The following ACSM3 variants were observed in gnomAD, a reference collection of about 807,000 sequenced individuals.
The protein encoded by ACSM3 is acyl-CoA synthetase medium chain family member 3, also known as acyl-coenzyme A synthetase ACSM3, mitochondrial.
A neutral mutation model predicts 74.1 loss-of-function variants in ACSM3; 61 were observed. That is an observed-to-expected ratio of 0.82 (90% CI 0.67 to 1.02). The LOEUF (loss-of-function observed/expected upper bound fraction) is 1.02. Ranked by LOEUF, ACSM3 falls within the 50% of genes least tolerant of loss-of-function variation. The pLI, the probability that ACSM3 is intolerant of heterozygous loss-of-function variation, is 0.00. For synonymous variants in ACSM3, 213 were observed against 241.5 expected (o/e 0.88, Z 1.09); for missense variants, 660 against 697.0 (o/e 0.95, Z 0.60).
At chr16:20,748,713 T>C (rs1459691999) in intron 1 of ACSM3, among the ~76,000 whole-genome samples, 1 of 152,178 alleles carries the variant, frequency 6.6e-6, no homozygotes, top group East Asian at 1.9e-4. Flanking sequence ...TTCTTGCTGG[T>C]TCTCAGTACC....
In ACSM3 at chr16:20,738,981, C is replaced by G. The variant is rs778451641; in HGVS notation, c.-189-10929C>G. 19 of 1,614,204 alleles carry G rather than the reference C, an allele frequency of 1.2e-5. No individual in the cohort carries two copies. In the East Asian group the frequency reaches 2.0e-4, roughly 17 times the overall value. On this transcript the variant is annotated intron_variant, in intron 1 of 3. Coordinates refer to the ACSM3 transcript ENST00000561584. ...CTTCTTAACCTCATCTCTGTAGATG[C>G]CTTAATGTCACCAACTTCTTTCTTC... is the stretch of plus-strand genomic sequence containing the variant.
At chr16:20,730,813 C>T (rs1048549426) in intron 1 of ACSM3, among the ~76,000 whole-genome samples, 5 of 152,098 alleles carry the variant, frequency 3.3e-5, no homozygotes, top group African/African-American at 7.2e-5. Flanking sequence ...AGGCAAAAAA[C>T]GACCTTATAG....
Position 20,797,575 on chromosome 16 carries a change from C to T in ACSM3, c.*603C>T, listed in dbSNP as rs2080744906. The T allele has an allele frequency of 7.7e-7, 1 of 1,290,690 alleles. No individual in the cohort carries two copies. Among genetic ancestry groups the T allele is most frequent in the Non-Finnish European group, 9.8e-7 (1 of 1,020,944 alleles). 80.0% of individuals were successfully genotyped at this position (1,290,690 alleles called of 1,614,324 possible). A position where few individuals can be genotyped will look rare whatever the true frequency, so the allele number is the denominator to read the frequency against. On this transcript the variant is annotated 3_prime_UTR_variant, in exon 14 of 14. Coordinates refer to ENST00000289416, the MANE Select transcript of ACSM3 (RefSeq NM_005622.4). ...TATGTAATCTAATAAATACTGTTTA[C>T]AAAAGATTACACTTGTGGTTCCTGA...
At chr16:20,685,304 C>G (rs1367260264) in intron 1 of ACSM3, 6 of 1,614,106 alleles carry the variant, frequency 3.7e-6, no homozygotes, top group Non-Finnish European at 4.2e-6. Context: ...ACGTTGGCTA[C>G]ACGGCGGGTT....
At chr16:20,711,972 C>T (rs534404134) in intron 1 of ACSM3, among the ~76,000 whole-genome samples, 1 of 152,150 alleles carries the variant, frequency 6.6e-6, no homozygotes, top group Admixed American at 6.5e-5. Flanking sequence ...TCAAACATGC[C>T]CTATCTCAGG....
chr16:20,675,872 G>A lies in ACSM3; in HGVS notation c.-190+1050G>A, dbSNP rs557808404. Among the ~76,000 whole-genome samples the A allele has an allele frequency of 1.7e-4, 26 of 152,320 alleles. No individual in the cohort carries two copies. The East Asian group carries it at 4.0e-3, about 24-fold the overall frequency. ...AGAAACCAGCTGCGCTGGCGGCTACGGAGTTAAAGGTAAAGTCACAGAGGC... is the reference window on the plus strand; with the variant it reads ...AGAAACCAGCTGCGCTGGCGGCTACAGAGTTAAAGGTAAAGTCACAGAGGC... On this transcript the variant is annotated intron_variant, in intron 1 of 3. Coordinates refer to the ACSM3 transcript ENST00000561584.
At chr16:20,745,323 C>T (rs559922529) in intron 1 of ACSM3, among the ~76,000 whole-genome samples, 142 of 152,136 alleles carry the variant, frequency 9.3e-4, no homozygotes, top group African/African-American at 2.9e-3. Flanking sequence ...CGGTGGCTCA[C>T]GCTTGTAATC....
At chr16:20,791,782 G>T (rs2080603310) in intron 10 of ACSM3, among the ~76,000 whole-genome samples, 1 of 152,054 alleles carries the variant, frequency 6.6e-6, no homozygotes, top group Admixed American at 6.6e-5. Flanking sequence ...ACAAAAATTA[G>T]CCGGGTGTGG....
At chr16:20,705,447 C>T (rs1159504835) in intron 1 of ACSM3, among the ~76,000 whole-genome samples, 1 of 151,390 alleles carries the variant, frequency 6.6e-6, no homozygotes, top group Non-Finnish European at 1.5e-5. Flanking sequence ...AAAAGTCTAC[C>T]TTTGAAGAAA....
At chr16:20,715,223 T>A (rs2079757435) in intron 1 of ACSM3, among the ~76,000 whole-genome samples, 1 of 152,194 alleles carries the variant, frequency 6.6e-6, no homozygotes, top group Non-Finnish European at 1.5e-5. Flanking sequence ...TCAATATAGC[T>A]GAATGAATGA....
intron 4 of ACSM3, among the ~76,000 whole-genome samples, chr16:20,778,989 G>C (rs766640118): frequency 9.2e-5 from 14 of 152,150 alleles, no homozygotes; most frequent in Non-Finnish European, 2.1e-4. Flanking sequence ...CTGACTTCAT[G>C]ATCTGCCCGT....
chr16:20,757,243 A>G (rs993129273), intron 3 of ACSM3, among the ~76,000 whole-genome samples: 3 of 152,078 alleles, frequency 2.0e-5, no homozygotes, highest in Non-Finnish European at 2.9e-5. Context: ...CCATTTTCAC[A>G]ATATTGATTC....
intron 7 of ACSM3, chr16:20,784,525 T>G (rs1406511475): frequency 6.5e-6 from 1 of 153,934 alleles, no homozygotes; most frequent in East Asian, 1.9e-4. Context: ...ACTTCAGCAG[T>G]ACATACACTA....
At chr16:20,709,382 G>C (rs2079736499) in intron 1 of ACSM3, among the ~76,000 whole-genome samples, 2 of 152,238 alleles carry the variant, frequency 1.3e-5, no homozygotes, top group Non-Finnish European at 2.9e-5. Context: ...AAGCAGGTTA[G>C]ATTATGTTTT....
chr16:20,703,581 G>C (rs1053113348), intron 1 of ACSM3: 1 of 152,038 alleles, frequency 6.6e-6, no homozygotes. Flanking sequence ...GAGTTCAGTG[G>C]CATGATCTCA....
At chr16:20,694,223 CG>C (rs1230444843) in intron 1 of ACSM3, among the ~76,000 whole-genome samples, 1 of 152,186 alleles carries the variant, frequency 6.6e-6, no homozygotes, top group Non-Finnish European at 1.5e-5. Flanking sequence ...TGTGAGGTCC[CG>C]TTCCAGCCAG....
intron 1 of ACSM3, among the ~76,000 whole-genome samples, chr16:20,717,956 GGAAGAAGAAGAAGAAGAA>G (rs746227909): frequency 0.034 from 2,518 of 74,368 alleles, 45 homozygotes; most frequent in African/African-American, 0.047. Flanking sequence ...AAGAGGAAGA[GGAAGAAGAAGAAGAAGAA>G]GAAGAAGAAG....
chr16:20,791,969 C>T, intron 10 of ACSM3, 33 bp from the exon 11 acceptor site: 1 of 1,605,278 alleles, frequency 6.2e-7, no homozygotes. Flanking sequence ...GAGTTGGATT[C>T]ACCATAACAA....
intron 1 of ACSM3, among the ~76,000 whole-genome samples, chr16:20,700,053 T>C (rs1454079143): frequency 6.6e-6 from 1 of 152,150 alleles, no homozygotes; most frequent in East Asian, 1.9e-4. Context: ...CTTCCCCTGA[T>C]TCAATGCTCC....
Sources: allele counts gnomAD v4.1 joint callset (sites outside exome capture counted in the v4.1 genomes callset), GRCh38; gene constraint gnomAD v4.1.1; transcripts MANE v1.5; gene names NCBI Gene and HGNC (gene_info 2026-07-23, HGNC 2026-07-21).